Variants in SIL1 observed in about 807,000 individuals in gnomAD.
SIL1 encodes nucleotide exchange factor SIL1.
SIL1 carries 40 observed loss-of-function variants against 49.1 expected under a neutral mutation model. That is an observed-to-expected ratio of 0.81 (90% confidence interval 0.63 to 1.06). The LOEUF (loss-of-function observed/expected upper bound fraction) is 1.06. SIL1 is among the 50% of genes least tolerant of loss of function. The probability of loss-of-function intolerance (pLI) is 0.00; values close to 1 mark genes in which losing one functional copy is unlikely to be tolerated. For synonymous variants in SIL1, 253 were observed against 250.8 expected (o/e 1.01, Z -0.08); for missense variants, 500 against 572.6 (o/e 0.87, Z 1.29).
intron 7 of SIL1, among the ~76,000 whole-genome samples, chr5:138,998,039 T>G (rs1370658594): frequency 6.6e-6 from 1 of 152,228 alleles, no homozygotes; most frequent in Non-Finnish European, 1.5e-5. Context: ...ATCTGTAAAT[T>G]GCTTTGGGTA....
intron 7 of SIL1, among the ~76,000 whole-genome samples, chr5:138,964,283 C>T (rs922338984): frequency 2.0e-5 from 3 of 152,148 alleles, no homozygotes; most frequent in Non-Finnish European, 2.9e-5. Context: ...GAGCAAAGAA[C>T]GAACATAGTT....
chr5:138,962,727 G>C (rs538416932), intron 7 of SIL1, among the ~76,000 whole-genome samples: 40 of 152,322 alleles, frequency 2.6e-4, no homozygotes, highest in South Asian at 2.1e-3. Flanking sequence ...CTCCCACTGA[G>C]TGGCCTTAGA....
intron 3 of SIL1, among the ~76,000 whole-genome samples, chr5:139,063,309 C>T (rs10479197): frequency 0.15 from 22,747 of 152,228 alleles, 4,538 homozygotes; most frequent in African/African-American, 0.46. Context: ...CCTAGGGGGC[C>T]TACCACAGCC....
intron 3 of SIL1, among the ~76,000 whole-genome samples, chr5:139,090,013 CT>C (rs1186532000): frequency 1.3e-5 from 2 of 152,100 alleles, no homozygotes; most frequent in Admixed American, 1.3e-4. Context: ...TAGACCTCTT[CT>C]GGGTAGCATC....
At chr5:139,166,908 A>G (rs1405181717) in intron 1 of SIL1, among the ~76,000 whole-genome samples, 7 of 152,174 alleles carry the variant, frequency 4.6e-5, no homozygotes, top group Non-Finnish European at 7.3e-5. Context: ...TCCCAAGTGC[A>G]TACCATTCTC....
chr5:138,988,658 T>G (rs999491501), intron 7 of SIL1, among the ~76,000 whole-genome samples: 1 of 152,162 alleles, frequency 6.6e-6, no homozygotes, highest in African/African-American at 2.4e-5. Context: ...AAGAATGATA[T>G]TCAAGATACA....
chr5:139,112,326 C>T (rs555936601), intron 3 of SIL1, among the ~76,000 whole-genome samples: 61 of 152,006 alleles, frequency 4.0e-4, no homozygotes, highest in African/African-American at 1.4e-3. Context: ...ATGTGAGGAG[C>T]CCCTCTGCCC....
At chr5:139,054,254 T>TA (rs1212553327) in intron 3 of SIL1, among the ~76,000 whole-genome samples, 1 of 151,952 alleles carries the variant, frequency 6.6e-6, no homozygotes, top group Non-Finnish European at 1.5e-5. Context: ...AAAATTAAAA[T>TA]AAAAAAATTA....
intron 1 of SIL1, among the ~76,000 whole-genome samples, chr5:139,186,916 G>T (rs936440886): frequency 6.6e-6 from 1 of 152,204 alleles, no homozygotes; most frequent in African/African-American, 2.4e-5. Context: ...AATGGAGCAT[G>T]TGAACTCACT....
At chr5:139,175,745 C>G (rs1259792605) in intron 1 of SIL1, among the ~76,000 whole-genome samples, 5 of 152,172 alleles carry the variant, frequency 3.3e-5, no homozygotes, top group Non-Finnish European at 5.9e-5. Context: ...GGCAGATCAC[C>G]TGAGGTCAGG....
chr5:139,196,530 T>A (rs890410648), intron 1 of SIL1: 1 of 152,200 alleles, frequency 6.6e-6, no homozygotes, highest in Admixed American at 6.5e-5. Context: ...ATAGCTGGCC[T>A]TCAGAAAACA....
chr5:139,024,567 T>C (rs1768602759), intron 6 of SIL1, among the ~76,000 whole-genome samples: 1 of 152,232 alleles, frequency 6.6e-6, no homozygotes, highest in Non-Finnish European at 1.5e-5. Context: ...GCATGGTGCA[T>C]GGGAGGACAT....
intron 5 of SIL1, among the ~76,000 whole-genome samples, chr5:139,031,842 A>G (rs554786257): frequency 1.3e-5 from 2 of 152,122 alleles, no homozygotes; most frequent in Non-Finnish European, 2.9e-5. Context: ...GTCTTGTTAG[A>G]TTTATTCCTA....
chr5:139,170,121 G>A (rs1425108517), intron 1 of SIL1, among the ~76,000 whole-genome samples: 1 of 152,180 alleles, frequency 6.6e-6, no homozygotes, highest in African/African-American at 2.4e-5. Flanking sequence ...CGCCAGCCTC[G>A]GCCTCCCGAG....
chr5:139,062,459 T>C (rs1016722325), intron 3 of SIL1, among the ~76,000 whole-genome samples: 8 of 152,182 alleles, frequency 5.3e-5, no homozygotes, highest in African/African-American at 1.9e-4. Context: ...CCAAGCTGCA[T>C]GAAAGCCGCT....
intron 7 of SIL1, among the ~76,000 whole-genome samples, chr5:139,017,666 G>A (rs1768430664): frequency 6.6e-6 from 1 of 152,114 alleles, no homozygotes; most frequent in African/African-American, 2.4e-5. Context: ...CGGTTACGAG[G>A]TAAAGGAGAT....
At chr5:139,060,243 A>G (rs927359664) in intron 3 of SIL1, among the ~76,000 whole-genome samples, 1 of 152,220 alleles carries the variant, frequency 6.6e-6, no homozygotes, top group Non-Finnish European at 1.5e-5. Flanking sequence ...AGCTATAAAA[A>G]AGAACAGTGT....
intron 7 of SIL1, among the ~76,000 whole-genome samples, chr5:138,958,537 T>C (rs1766948750): frequency 6.6e-6 from 1 of 152,168 alleles, no homozygotes; most frequent in Non-Finnish European, 1.5e-5. Flanking sequence ...TCATTGACAA[T>C]TCTTGCTTAA....
intron 1 of SIL1, among the ~76,000 whole-genome samples, chr5:139,128,207 C>T (rs1399661547): frequency 1.3e-5 from 2 of 152,044 alleles, no homozygotes; most frequent in Non-Finnish European, 2.9e-5. Flanking sequence ...TGTGAACAAA[C>T]ATGGGCACAA....
Sources: gnomAD v4.1 joint callset for allele counts (sites outside exome capture counted in the v4.1 genomes callset) on GRCh38, gnomAD v4.1.1 for gene constraint, MANE v1.5 for transcripts, NCBI Gene and HGNC (gene_info 2026-07-23, HGNC 2026-07-21) for gene names.